Variants in FAM186A observed in about 807,000 individuals in gnomAD.
FAM186A encodes the protein family with sequence similarity 186 member A.
In FAM186A, 163 loss-of-function variants were observed where a neutral mutation model predicts 216.8. That is an observed-to-expected ratio of 0.75 (90% confidence interval 0.66 to 0.86). The LOEUF (loss-of-function observed/expected upper bound fraction) is 0.86. Ranked by LOEUF, FAM186A falls within the 40% of genes least tolerant of loss-of-function variation. FAM186A has a pLI of 0.00. For synonymous variants in FAM186A, 805 were observed against 1,025.3 expected, an observed-to-expected ratio of 0.79 and a Z score of 4.10; for missense variants, 2,184 against 2,746.2, an observed-to-expected ratio of 0.80 and a Z score of 4.58.
Position 50,373,097 on chromosome 12 carries a change from A to AG in FAM186A, c.193-9734_193-9733insC, listed in dbSNP as rs1418704308. On this transcript the variant is annotated intron_variant, in intron 1 of 7. Transcript: ENST00000327337. ...AAAGAGAAAAGAAAGAAAGAAAGAA[A>AG]AGAAAGAAAGAAAAACTAGGCTGGG... is the stretch of plus-strand genomic sequence containing the variant. 4.7e-5 allele frequency among the ~76,000 whole-genome samples: 6 copies of AG among 127,258 alleles called. No homozygotes were observed. The Admixed American group carries it at 5.3e-4, about 11-fold the overall frequency. The allele number at this position is 127,258 out of a possible 152,430, so 83.5% of individuals were successfully genotyped here.
chr12:50,367,530 A>T lies in FAM186A; in HGVS notation c.193-4166T>A, dbSNP rs923930583. 3.4e-4 allele frequency among the ~76,000 whole-genome samples: 51 copies of T among 151,616 alleles called. 1 individual carries two copies. Among genetic ancestry groups the T allele is most frequent in the Admixed American group, 2.0e-4 (3 of 15,222 alleles). On this transcript the variant is annotated intron_variant, in intron 1 of 7. Coordinates refer to ENST00000327337, the MANE Select transcript of FAM186A (RefSeq NM_001145475.3). ...AGACTCTGTCTCAAAAAAAAAAAAAAAAAAAGAAAAGAAATAAAAGGCACA... is the reference window on the plus strand; with the variant it reads ...AGACTCTGTCTCAAAAAAAAAAAAATAAAAAGAAAAGAAATAAAAGGCACA...
chr12:50,342,435 A>C lies in FAM186A; in HGVS notation c.6503+7894T>G, dbSNP rs570909698. 8.6e-5 allele frequency among the ~76,000 whole-genome samples: 13 copies of C among 151,500 alleles called. No homozygotes were observed. The East Asian group carries it at 2.3e-3, about 27-fold the overall frequency. On this transcript the variant is annotated intron_variant, in intron 4 of 7. Coordinates refer to ENST00000327337, the MANE Select transcript of FAM186A (RefSeq NM_001145475.3). ...TATATTAATAGAACTAAGGGGGAAAAATCTCCTTTTTTATTTTTTATTTTT... is the reference window on the plus strand; with the variant it reads ...TATATTAATAGAACTAAGGGGGAAACATCTCCTTTTTTATTTTTTATTTTT...
intron 1 of FAM186A, among the ~76,000 whole-genome samples, chr12:50,366,931 T>A (rs1592621830): frequency 1.3e-5 from 2 of 152,054 alleles, no homozygotes; most frequent in Admixed American, 1.3e-4. Flanking sequence ...GGAGGATTAC[T>A]TGAACCTGGG....
Position 50,352,230 on chromosome 12 carries a change from C to T in FAM186A, c.4602G>A (p.Pro1534=), listed in dbSNP as rs1352462657. The change falls in exon 4 of 8, where the codon CCG becomes CCA. Residue 1534 remains proline, a synonymous_variant. Coordinates refer to ENST00000327337, the MANE Select transcript of FAM186A (RefSeq NM_001145475.3). ...AQALGIPLIP[P]QAQELGIPLT... ...GAGGGATCCCCAATTCCTGAGCCTG[C>T]GGAGGGATCAGAGGGATCCCCAGGG... 1.2e-4 allele frequency: 182 copies of T among 1,517,292 alleles called. 2 individuals are homozygous for T. Among genetic ancestry groups the T allele is most frequent in the Non-Finnish European group, 1.5e-4 (171 of 1,135,124 alleles). 94.0% of individuals were successfully genotyped at this position (1,517,292 alleles called of 1,614,324 possible). A position where few individuals can be genotyped will look rare whatever the true frequency, so the allele number is the denominator to read the frequency against.
Position 50,378,589 on chromosome 12 carries a change from G to GTATATATA in FAM186A, c.193-15233_193-15226dup, listed in dbSNP as rs375076195. Among the ~76,000 whole-genome samples the GTATATATA allele has an allele frequency of 4.6e-3, 182 of 39,256 alleles. 1 individual carries two copies. The highest frequency in any genetic ancestry group is 6.8e-3 in the African/African-American group (165 of 24,432). The allele number at this position is 39,256 out of a possible 152,430, so 25.8% of individuals were successfully genotyped here. A position where few individuals can be genotyped will look rare whatever the true frequency, so the allele number is the denominator to read the frequency against. On this transcript the variant is annotated intron_variant, in intron 1 of 7. Transcript: ENST00000327337. Reference sequence around the variant, plus strand: ...ATATATATATACACATATGTAAATTGTATATATATATATACACATATGTAA... The same window carrying GTATATATA: ...ATATATATATACACATATGTAAATTGTATATATATATATATATATATACACATATGTAA...
At position 50,378,191 on chromosome 12, in the gene FAM186A, T is replaced by C. The variant is rs1003339724; in HGVS notation, c.193-14827A>G. 2.7e-4 allele frequency among the ~76,000 whole-genome samples: 40 copies of C among 146,884 alleles called. 1 individual carries two copies. In the South Asian group the frequency reaches 8.2e-3, roughly 30 times the overall value. The stretch of plus-strand genomic sequence containing the variant: ...GTGAGCCGAGATTGCGACATTACAC[T>C]CCAGCCTCGACAACAAGAGCGAAAC... On this transcript the variant is annotated intron_variant, in intron 1 of 7. Transcript: ENST00000327337.
intron 1 of FAM186A, among the ~76,000 whole-genome samples, chr12:50,391,042 G>A (rs1378205157): frequency 6.6e-6 from 1 of 151,864 alleles, no homozygotes; most frequent in Non-Finnish European, 1.5e-5. Context: ...AGGTTGGAGT[G>A]TAGTGGTGCG....
rs986000875 is a variant in FAM186A, at chr12:50,350,642, A to C, written c.6190T>G (p.Trp2064Gly). The change falls in exon 4 of 8, where the codon TGG becomes GGG. Residue 2064 changes from tryptophan to glycine, a missense_variant. Around this residue, in one of 7 missense-constraint regions of FAM186A, gnomAD observed 721 missense variants for 816.4 expected, o/e 0.88. Coordinates refer to ENST00000327337, the MANE Select transcript of FAM186A (RefSeq NM_001145475.3). ...LRTSQISPLE[W>G]YQKSRFPPID... ...GGAGGGAATCGGGATTTCTGGTACCATTCCAAAGGTGAAATCTGTGATGTT... is the reference window on the plus strand; with the variant it reads ...GGAGGGAATCGGGATTTCTGGTACCCTTCCAAAGGTGAAATCTGTGATGTT... 10 of 1,551,542 alleles carry C rather than the reference A, an allele frequency of 6.4e-6. No homozygotes were observed. In the African/African-American group the frequency reaches 9.6e-5, roughly 15 times the overall value.
At chr12:50,339,775 CACACAG>C (rs1286442217) in intron 4 of FAM186A, among the ~76,000 whole-genome samples, 8 of 118,314 alleles carry the variant, frequency 6.8e-5, no homozygotes, top group Admixed American at 4.2e-4. Context: ...CACACACACA[CACACAG>C]AGCTTCTTCC....
At position 50,351,564 on chromosome 12, in the gene FAM186A, A is replaced by C. The variant is rs1162011015; in HGVS notation, c.5268T>G (p.Ser1756=). 1.3e-6 allele frequency: 2 copies of C among 1,549,322 alleles called. No individual in the cohort carries two copies. Among genetic ancestry groups the C allele is most frequent in the Non-Finnish European group, 1.7e-6 (2 of 1,145,848 alleles). ...CCCTTGATATCTGCAAAGGAGTAGAAGAGACCCCGAATATAGAGGACTTCT... is the reference window on the plus strand; with the variant it reads ...CCCTTGATATCTGCAAAGGAGTAGACGAGACCCCGAATATAGAGGACTTCT... ...TAEKSSIFGV[S]STPLQISRVP... Residue 1756 remains serine, a synonymous_variant, in exon 4 of 8, where the codon TCT becomes TCG. Coordinates refer to ENST00000327337, the MANE Select transcript of FAM186A (RefSeq NM_001145475.3).
chr12:50,356,249 C>T lies in FAM186A; in HGVS notation c.584-1G>A. 1 of 1,523,556 alleles carries T rather than the reference C, an allele frequency of 6.6e-7. No individual in the cohort carries two copies. Among genetic ancestry groups the T allele is most frequent in the Non-Finnish European group, 8.8e-7 (1 of 1,137,342 alleles). The allele number at this position is 1,523,556 out of a possible 1,614,324, so 94.4% of individuals were successfully genotyped here. A position where few individuals can be genotyped will look rare whatever the true frequency, so the allele number is the denominator to read the frequency against. ...GATTTCCATAGAGTACCTCTAGATA[C>T]TGAAGAACAAAACATAAAACAGTGA... is the stretch of plus-strand genomic sequence containing the variant. On this transcript the variant is annotated splice_acceptor_variant, in intron 3 of 7. Coordinates refer to ENST00000327337, the MANE Select transcript of FAM186A (RefSeq NM_001145475.3). LOFTEE classifies it high-confidence loss of function.
chr12:50,355,415 C>T lies in FAM186A; in HGVS notation c.1417G>A (p.Gly473Arg), dbSNP rs1942963615. 1 of 1,551,196 alleles carries T rather than the reference C, an allele frequency of 6.4e-7. No homozygotes were observed. The highest frequency in any genetic ancestry group is 8.7e-7 in the Non-Finnish European group (1 of 1,146,986). ...CTTTTATTATCACTCAGATTTGGTC[C>T]AGAGGTCTCATATACATATGTGGCT... ...KKATYVYETS[G>R]PNLSDNKSGQ... Residue 473 changes from glycine (G) to arginine (R), a missense_variant, in exon 4 of 8, where the codon GGA (glycine) becomes AGA (arginine). Coordinates refer to ENST00000327337, the MANE Select transcript of FAM186A (RefSeq NM_001145475.3).
chr12:50,361,338 A>G (rs532596453), intron 2 of FAM186A, among the ~76,000 whole-genome samples: 10 of 152,044 alleles, frequency 6.6e-5, no homozygotes, highest in Admixed American at 2.0e-4. Context: ...AGCTGGGATT[A>G]CAGGCATGTG....
intron 4 of FAM186A, among the ~76,000 whole-genome samples, chr12:50,347,869 C>T (rs1207026990): frequency 6.6e-6 from 1 of 151,948 alleles, no homozygotes; most frequent in African/African-American, 2.4e-5. Context: ...CAACCTCCTA[C>T]ATAATCTGCC....
chr12:50,356,458 T>C (rs1440401192), intron 3 of FAM186A, among the ~76,000 whole-genome samples: 1 of 152,178 alleles, frequency 6.6e-6, no homozygotes, highest in African/African-American at 2.4e-5. Context: ...TTTTTCTTTC[T>C]TTTTTTGTTG....
chr12:50,359,993 G>A (rs1028353729), intron 3 of FAM186A, among the ~76,000 whole-genome samples: 33 of 152,268 alleles, frequency 2.2e-4, no homozygotes, highest in Non-Finnish European at 4.3e-4. Context: ...TGTAATCCCA[G>A]CACTTTGGGA....
chr12:50,389,028 C>G (rs997377748), intron 1 of FAM186A, among the ~76,000 whole-genome samples: 1 of 151,390 alleles, frequency 6.6e-6, no homozygotes, highest in Middle Eastern at 3.4e-3. Context: ...ACACTCCAGC[C>G]TGGGCAACAG....
At chr12:50,376,405 T>C (rs953997213) in intron 1 of FAM186A, among the ~76,000 whole-genome samples, 27 of 152,130 alleles carry the variant, frequency 1.8e-4, no homozygotes, top group Non-Finnish European at 7.4e-5. Context: ...GTAGCTCCTA[T>C]CCGCAGGCAA....
chr12:50,384,341 C>G (rs970646159), intron 1 of FAM186A, among the ~76,000 whole-genome samples: 5 of 151,976 alleles, frequency 3.3e-5, no homozygotes, highest in African/African-American at 1.2e-4. Context: ...TGGAGGATCC[C>G]TTGAGCCCAG....
Sources: allele counts gnomAD v4.1 joint callset (sites outside exome capture counted in the v4.1 genomes callset), GRCh38; gene constraint gnomAD v4.1.1; regional missense constraint gnomAD v4.1.1; transcripts MANE v1.5; gene names NCBI Gene and HGNC (gene_info 2026-07-23, HGNC 2026-07-21).